The following RALY variants were observed in gnomAD, a reference collection of about 807,000 sequenced individuals.
The protein encoded by RALY is RNA-binding protein Raly.
RALY carries 15 observed loss-of-function variants against 30.7 expected under a neutral mutation model. That is an observed-to-expected ratio of 0.49 (90% CI 0.33 to 0.75). RALY has a LOEUF of 0.75. RALY is among the 30% of genes least tolerant of loss of function. The pLI, the probability that RALY is intolerant of heterozygous loss-of-function variation, is 0.02. For synonymous variants in RALY, 177 were observed against 170.8 expected (o/e 1.04, Z -0.28); for missense variants, 339 against 414.3 (o/e 0.82, Z 1.58).
rs1039596044 is a variant in RALY, at chr20:34,003,838, A to C, written c.-93+9707A>C. Among the ~76,000 whole-genome samples the C allele has an allele frequency of 7.9e-5, 12 of 151,600 alleles. 1 individual carries two copies. On this transcript the variant is annotated intron_variant, in intron 1 of 9. Transcript: ENST00000246194. ...GTATTTTTAGTAGAGACAGGGTTTC[A>C]CCGTTTTAGCCGGGATGGTCTCGAT...
chr20:34,056,284 G>A (rs2033240701), intron 2 of RALY, among the ~76,000 whole-genome samples: 1 of 152,082 alleles, frequency 6.6e-6, no homozygotes, highest in South Asian at 2.1e-4. Context: ...CCTGTGTGTG[G>A]GTTAACTTCA....
chr20:34,079,657 C>T (rs1207935196), intron 9 of RALY, among the ~76,000 whole-genome samples: 1 of 152,192 alleles, frequency 6.6e-6, no homozygotes, highest in Non-Finnish European at 1.5e-5. Context: ...CCCTTTGTGC[C>T]TGGTGCTTTC....
intron 1 of RALY, chr20:34,017,317 G>T (rs2031646667): frequency 6.6e-6 from 1 of 152,228 alleles, no homozygotes; most frequent in Admixed American, 6.5e-5. Flanking sequence ...GCTGCCCATT[G>T]TCATATAGCA....
intron 2 of RALY, among the ~76,000 whole-genome samples, chr20:34,051,990 G>C (rs1277199391): frequency 6.6e-6 from 1 of 152,170 alleles, no homozygotes; most frequent in Admixed American, 6.5e-5. Flanking sequence ...TAGGTTAAGA[G>C]AACTGGATAA....
intron 2 of RALY, among the ~76,000 whole-genome samples, chr20:34,040,426 C>T (rs1466086168): frequency 6.6e-6 from 1 of 152,192 alleles, no homozygotes; most frequent in Admixed American, 6.5e-5. Flanking sequence ...GAAACAAGCG[C>T]TCCATAAGCA....
intron 2 of RALY, among the ~76,000 whole-genome samples, chr20:34,037,216 A>C (rs909078130): frequency 2.0e-5 from 3 of 152,240 alleles, no homozygotes; most frequent in Non-Finnish European, 4.4e-5. Context: ...ACCAGTAGAG[A>C]GGGTGCTAGG....
intron 2 of RALY, among the ~76,000 whole-genome samples, chr20:34,066,044 T>C (rs1054579843): frequency 6.6e-6 from 1 of 152,114 alleles, no homozygotes; most frequent in African/African-American, 2.4e-5. Context: ...TTTTAGAGTG[T>C]TAAGACAGCC....
intron 2 of RALY, among the ~76,000 whole-genome samples, chr20:34,047,232 A>G (rs1252541660): frequency 6.6e-6 from 1 of 152,228 alleles, no homozygotes; most frequent in Non-Finnish European, 1.5e-5. Context: ...TCTTTGTTGA[A>G]TACAGAGCAG....
At chr20:34,020,869 C>T (rs1363646988) in intron 1 of RALY, among the ~76,000 whole-genome samples, 1 of 151,964 alleles carries the variant, frequency 6.6e-6, no homozygotes. Context: ...GAAGAAGGGA[C>T]ATGATTTAGT....
intron 2 of RALY, among the ~76,000 whole-genome samples, chr20:34,071,759 G>A (rs1316484568): frequency 6.6e-6 from 1 of 152,182 alleles, no homozygotes; most frequent in Non-Finnish European, 1.5e-5. Flanking sequence ...TCAGATCCCA[G>A]CCCTGCCATT....
Position 33,993,950 on chromosome 20 carries a change from C to G in RALY, c.-274C>G, listed in dbSNP as rs914061876. ...GCGCGCGAGCGGCGCCAGCTCGGGG[C>G]AGCGGAACCCAGAGAAGCTGAGGGG... On this transcript the variant is annotated 5_prime_UTR_variant, in exon 1 of 10. Transcript: ENST00000246194. 2.0e-5 allele frequency: 3 copies of G among 152,028 alleles called. No individual in the cohort carries two copies. Among genetic ancestry groups the G allele is most frequent in the Non-Finnish European group, 4.4e-5 (3 of 67,968 alleles). 9.4% of individuals were successfully genotyped at this position (152,028 alleles called of 1,614,324 possible).
chr20:34,044,002 G>A (rs372505543), intron 2 of RALY, among the ~76,000 whole-genome samples: 2 of 152,162 alleles, frequency 1.3e-5, no homozygotes, highest in South Asian at 4.1e-4. Flanking sequence ...GGACTTCAAA[G>A]ATGAGGCATT....
chr20:33,996,354 T>C (rs1601387965), intron 1 of RALY, among the ~76,000 whole-genome samples: 5 of 152,314 alleles, frequency 3.3e-5, no homozygotes, highest in Admixed American at 3.3e-4. Flanking sequence ...AGAAAATGGC[T>C]ATGAAAGTGC....
At chr20:34,004,555 G>A (rs908151829) in intron 1 of RALY, among the ~76,000 whole-genome samples, 2 of 152,214 alleles carry the variant, frequency 1.3e-5, no homozygotes, top group Admixed American at 6.5e-5. Flanking sequence ...CTAATGAGCA[G>A]GTGGTGGAAG....
At chr20:34,023,533 G>T (rs1323774137) in intron 1 of RALY, among the ~76,000 whole-genome samples, 2 of 152,166 alleles carry the variant, frequency 1.3e-5, no homozygotes, top group African/African-American at 4.8e-5. Flanking sequence ...ATGGCCATTG[G>T]TGGGGAGGCC....
At chr20:34,028,475 C>T (rs528941209) in intron 1 of RALY, among the ~76,000 whole-genome samples, 6 of 151,554 alleles carry the variant, frequency 4.0e-5, no homozygotes, top group East Asian at 3.9e-4. Context: ...GAGGCCGAGG[C>T]GGGCGGATCA....
At chr20:34,029,007 G>T (rs983655103) in intron 1 of RALY, among the ~76,000 whole-genome samples, 1 of 152,106 alleles carries the variant, frequency 6.6e-6, no homozygotes, top group Non-Finnish European at 1.5e-5. Context: ...TAGTCTGGCT[G>T]TGTGGGTCTA....
chr20:34,066,822 G>A (rs1241190295), intron 2 of RALY, among the ~76,000 whole-genome samples: 1 of 152,038 alleles, frequency 6.6e-6, no homozygotes, highest in Non-Finnish European at 1.5e-5. Flanking sequence ...ACACAGATTT[G>A]GTGGAGGAGG....
chr20:34,059,985 G>A (rs186341240), intron 2 of RALY, among the ~76,000 whole-genome samples: 1 of 152,250 alleles, frequency 6.6e-6, no homozygotes, highest in East Asian at 1.9e-4. Flanking sequence ...ATGAGCTCTG[G>A]CAGCTGCATT....
Sources: allele counts gnomAD v4.1 joint callset (sites outside exome capture counted in the v4.1 genomes callset), GRCh38; gene constraint gnomAD v4.1.1; transcripts MANE v1.5; gene names NCBI Gene and HGNC (gene_info 2026-07-23, HGNC 2026-07-21).